The following MPEG1 variants were observed in gnomAD, a reference collection of about 807,000 sequenced individuals.
MPEG1 encodes macrophage-expressed gene 1 protein.
For missense variants in MPEG1, 876 were observed against 880.3 expected, an observed-to-expected ratio of 1.00 and a Z score of 0.06; for synonymous variants, 365 against 351.9, an observed-to-expected ratio of 1.04 and a Z score of -0.42.
chr11:59,209,855 CGTGTGTGTGTGTGTGTGTGT>C lies in MPEG1; in HGVS notation c.*840_*859del, dbSNP rs60035424. ...CTTATTGAAATGTGGTATGTGTGTG[CGTGTGTGTGTGTGTGTGTGT>C]GTGTGTGTGTGTGTGTGTTCATATA... is the stretch of plus-strand genomic sequence containing the variant. On this transcript the variant is annotated 3_prime_UTR_variant, in exon 1 of 1. Transcript: ENST00000361050. 3.0e-4 allele frequency: 16 copies of C among 54,140 alleles called. No individual in the cohort carries two copies. Among genetic ancestry groups the C allele is most frequent in the Admixed American group, 1.1e-3 (6 of 5,590 alleles). The allele number at this position is 54,140 out of a possible 1,614,324, so 3.4% of individuals were successfully genotyped here.
rs749213142 is a variant in MPEG1, at chr11:59,211,767, C to T, written c.1099G>A (p.Gly367Ser). 4.3e-6 allele frequency: 7 copies of T among 1,614,172 alleles called. No individual in the cohort carries two copies. The South Asian group carries it at 5.5e-5, about 13-fold the overall frequency. Residue 367 changes from glycine (G) to serine (S), a missense_variant, in exon 1 of 1, where the codon GGC (glycine) becomes AGC (serine). Physicochemically the swap from Gly to Ser is moderately conservative, Grantham distance 56. Transcript: ENST00000361050. The part of the protein sequence containing the change: ...NFNFQANTDD[G>S]SCEGKMTNFS... Reference sequence around the variant, plus strand: ...TTGGTCATTTTCCCCTCGCAGGAGCCATCATCCGTGTTGGCCTGAAAATTG... The same window carrying T: ...TTGGTCATTTTCCCCTCGCAGGAGCTATCATCCGTGTTGGCCTGAAAATTG...
chr11:59,212,159 A>G lies in MPEG1; in HGVS notation c.707T>C (p.Val236Ala). 1 of 1,614,192 alleles carries G rather than the reference A, an allele frequency of 6.2e-7. No individual in the cohort carries two copies. Among genetic ancestry groups the G allele is most frequent in the Non-Finnish European group, 8.5e-7 (1 of 1,180,040 alleles). The change falls in exon 1 of 1, where the codon GTG (valine) becomes GCG (alanine). Residue 236 changes from valine (V) to alanine (A), a missense_variant. By Grantham distance (64) the Val-to-Ala change is moderately conservative. Transcript: ENST00000361050. ...LQDSQSSRSA[V>A]TASAGLAFQN... Reference sequence around the variant, plus strand: ...AAAGGCAAGTCCAGCAGAGGCGGTCACGGCACTACGACTGCTCTGGCTGTC... The same window carrying G: ...AAAGGCAAGTCCAGCAGAGGCGGTCGCGGCACTACGACTGCTCTGGCTGTC...
In MPEG1 at chr11:59,211,731, C is replaced by A; in HGVS notation, c.1135G>T (p.Gly379Cys). The A allele has an allele frequency of 6.2e-7, 1 of 1,614,150 alleles. No homozygotes were observed. The highest frequency in any genetic ancestry group is 1.1e-5 in the South Asian group (1 of 91,078). The change falls in exon 1 of 1, where the codon GGT (glycine) becomes TGT (cysteine). Residue 379 changes from glycine to cysteine, a missense_variant. Physicochemically the swap from Gly to Cys is radical, Grantham distance 159. Coordinates refer to ENST00000361050, the MANE Select transcript of MPEG1 (RefSeq NM_001039396.2). ...CEGKMTNFSF[G>C]GVYQECTQLS... ...TGAGTGCATTCCTGATAAACCCCAC[C>A]GAAAGAGAAGTTGGTCATTTTCCCC...
Position 59,211,402 on chromosome 11 carries a change from T to A in MPEG1, c.1464A>T (p.Ile488=). ...LFGGLFSSKS[I]NPMTNAQSCP... is the part of the protein sequence containing the mutation. ...ATGACTGTGCATTTGTCATGGGGTTTATGCTCTTGCTGCTGAAGAGGCCCC... is the reference window on the plus strand; with the variant it reads ...ATGACTGTGCATTTGTCATGGGGTTAATGCTCTTGCTGCTGAAGAGGCCCC... The change falls in exon 1 of 1, where the codon ATA becomes ATT. Residue 488 remains isoleucine (I), a synonymous_variant. Transcript: ENST00000361050. The A allele has an allele frequency of 6.2e-7, 1 of 1,614,214 alleles. No homozygotes were observed.
Position 59,212,478 on chromosome 11 carries a change from A to G in MPEG1, c.388T>C (p.Ser130Pro). The G allele has an allele frequency of 6.2e-7, 1 of 1,613,654 alleles. No homozygotes were observed. The highest frequency in any genetic ancestry group is 8.5e-7 in the Non-Finnish European group (1 of 1,179,518). Residue 130 changes from serine to proline, a missense_variant, in exon 1 of 1, where the codon TCC becomes CCC. Physicochemically the swap from Ser to Pro is moderately conservative, Grantham distance 74. Coordinates refer to ENST00000361050, the MANE Select transcript of MPEG1 (RefSeq NM_001039396.2). ...SLFSKVNGKF[S>P]TEFQRMKTLQ... Reference sequence around the variant, plus strand: ...GTCTTCATCCTCTGGAACTCAGTGGAAAACTTGCCATTGACTTTGGAAAAA... The same window carrying G: ...GTCTTCATCCTCTGGAACTCAGTGGGAAACTTGCCATTGACTTTGGAAAAA...
chr11:59,210,736 C>G lies in MPEG1; in HGVS notation c.2130G>C (p.Glu710Asp). The G allele has an allele frequency of 6.2e-7, 1 of 1,614,022 alleles. No homozygotes were observed. The highest frequency in any genetic ancestry group is 8.5e-7 in the Non-Finnish European group (1 of 1,179,920). The change falls in exon 1 of 1, where the codon GAG (glutamate) becomes GAC (aspartate). Residue 710 changes from glutamate to aspartate, a missense_variant. Coordinates refer to ENST00000361050, the MANE Select transcript of MPEG1 (RefSeq NM_001039396.2). ...TAATGDTTYQ[E>D]QGQSPA ...AGATTTAAGCTGGACTCTGCCCCTG[C>G]TCTTGGTAAGTGGTGTCTCCAGTTG... is the stretch of plus-strand genomic sequence containing the variant.
Position 59,212,334 on chromosome 11 carries a change from T to C in MPEG1, c.532A>G (p.Ile178Val), listed in dbSNP as rs1565225805. 6.2e-7 allele frequency: 1 copy of C among 1,614,066 alleles called. No individual in the cohort carries two copies. The highest frequency in any genetic ancestry group is 1.7e-5 in the Admixed American group (1 of 60,024). Residue 178 changes from isoleucine to valine, a missense_variant, in exon 1 of 1, where the codon ATC becomes GTC. Physicochemically the swap from Ile to Val is conservative, Grantham distance 29 (BLOSUM62 3). Transcript: ENST00000361050. ...SSGFRKELLD[I>V]SDRLENNQTR... ...TGGTTGTTCTCTAGACGGTCAGAGATGTCAAGGAGTTCCTTCCTAAAACCT... is the reference window on the plus strand; with the variant it reads ...TGGTTGTTCTCTAGACGGTCAGAGACGTCAAGGAGTTCCTTCCTAAAACCT...
In MPEG1 at chr11:59,209,855, CGTGT is replaced by C. The variant is rs60035424; in HGVS notation, c.*856_*859del. Reference sequence around the variant, plus strand: ...CTTATTGAAATGTGGTATGTGTGTGCGTGTGTGTGTGTGTGTGTGTGTGTGTGTG... The same window carrying C: ...CTTATTGAAATGTGGTATGTGTGTGCGTGTGTGTGTGTGTGTGTGTGTGTG... On this transcript the variant is annotated 3_prime_UTR_variant, in exon 1 of 1. Coordinates refer to ENST00000361050, the MANE Select transcript of MPEG1 (RefSeq NM_001039396.2). 2,345 of 53,846 alleles carry C rather than the reference CGTGT, an allele frequency of 0.044. 126 individuals carry two copies. Among genetic ancestry groups the C allele is most frequent in the African/African-American group, 0.11 (1,814 of 16,418 alleles). The allele number at this position is 53,846 out of a possible 1,614,324, so 3.3% of individuals were successfully genotyped here. A position where few individuals can be genotyped will look rare whatever the true frequency, so the allele number is the denominator to read the frequency against.
chr11:59,210,775 A>G lies in MPEG1; in HGVS notation c.2091T>C (p.Val697=). The G allele has an allele frequency of 1.2e-6, 2 of 1,614,122 alleles. No homozygotes were observed. Among genetic ancestry groups the G allele is most frequent in the South Asian group, 1.1e-5 (1 of 91,072 alleles). ...YQAIEERQSL[V]PGTAATGDTT... is the part of the protein sequence containing the mutation. ...TGTCTCCAGTTGCTGCAGTGCCTGGAACCAAACTCTGCCTTTCCTCAATTG... is the reference window on the plus strand; with the variant it reads ...TGTCTCCAGTTGCTGCAGTGCCTGGGACCAAACTCTGCCTTTCCTCAATTG... Residue 697 remains valine (V), a synonymous_variant, in exon 1 of 1, where the codon GTT becomes GTC. Transcript: ENST00000361050.
rs920711668 is a variant in MPEG1, at chr11:59,210,402, A to T, written c.*313T>A. 7 of 309,462 alleles carry T rather than the reference A, an allele frequency of 2.3e-5. No homozygotes were observed. The highest frequency in any genetic ancestry group is 4.2e-5 in the Non-Finnish European group (7 of 167,574). The allele number at this position is 309,462 out of a possible 1,614,324, so 19.2% of individuals were successfully genotyped here. On this transcript the variant is annotated 3_prime_UTR_variant, in exon 1 of 1. Transcript: ENST00000361050. ...TTCAGAGTAAATTCATAGCTTCCAAATACAAATGTTCACATTGTCCCTCCG... is the reference window on the plus strand; with the variant it reads ...TTCAGAGTAAATTCATAGCTTCCAATTACAAATGTTCACATTGTCCCTCCG...
In MPEG1 at chr11:59,211,394, A is replaced by C. The variant is rs181385884; in HGVS notation, c.1472T>G (p.Met491Arg). 7.4e-6 allele frequency: 12 copies of C among 1,614,102 alleles called. No individual in the cohort carries two copies. In the East Asian group the frequency reaches 2.0e-4, roughly 27 times the overall value. Residue 491 changes from methionine (M) to arginine (R), a missense_variant, in exon 1 of 1, where the codon ATG (methionine) becomes AGG (arginine). Transcript: ENST00000361050. The stretch of plus-strand genomic sequence containing the variant: ...GGCTGGGCATGACTGTGCATTTGTC[A>C]TGGGGTTTATGCTCTTGCTGCTGAA... ...GLFSSKSINPMTNAQSCPAGY... is the reference protein window; with the variant it reads ...GLFSSKSINPRTNAQSCPAGY...
rs948455920 is a variant in MPEG1 at position 59,209,304 on chromosome 11, T to C, written c.*1411A>G. ...AGCCCAAGATCTTGATTGTGAACAT[T>C]AACAAAGAGAACAGTCATCCTCCAC... On this transcript the variant is annotated 3_prime_UTR_variant, in exon 1 of 1. Coordinates refer to ENST00000361050, the MANE Select transcript of MPEG1 (RefSeq NM_001039396.2). The C allele has an allele frequency of 6.6e-6, 1 of 152,170 alleles. No homozygotes were observed. The highest frequency in any genetic ancestry group is 2.4e-5 in the African/African-American group (1 of 41,426). The allele number at this position is 152,170 out of a possible 1,614,324, so 9.4% of individuals were successfully genotyped here.
Position 59,211,264 on chromosome 11 carries a change from G to A in MPEG1, c.1602C>T (p.Cys534=), listed in dbSNP as rs1590996007. Residue 534 remains cysteine, a synonymous_variant, in exon 1 of 1, where the codon TGC becomes TGT. Coordinates refer to ENST00000361050, the MANE Select transcript of MPEG1 (RefSeq NM_001039396.2). ...GATCTACCAGGGGGTTCCCAACTGT[G>A]CAGCTAAAGAACCCGCCAAAGGGGA... is the stretch of plus-strand genomic sequence containing the variant. The part of the protein sequence containing the change: ...FAVPFGGFFS[C]TVGNPLVDPA... 2 of 1,614,222 alleles carry A rather than the reference G, an allele frequency of 1.2e-6. No individual in the cohort carries two copies. Among genetic ancestry groups the A allele is most frequent in the East Asian group, 2.2e-5 (1 of 44,876 alleles).
In MPEG1 at chr11:59,211,369, G is replaced by A. The variant is rs201676380; in HGVS notation, c.1497C>T (p.Ala499=). 1,333 of 1,614,066 alleles carry A rather than the reference G, an allele frequency of 8.3e-4. 1 individual carries two copies. The highest frequency in any genetic ancestry group is 1.1e-3 in the Non-Finnish European group (1,267 of 1,180,056). Residue 499 remains alanine, a synonymous_variant, in exon 1 of 1, where the codon GCC becomes GCT. Coordinates refer to ENST00000361050, the MANE Select transcript of MPEG1 (RefSeq NM_001039396.2). The part of the protein sequence containing the change: ...NPMTNAQSCP[A]GYFPLRLFEN... ...CAAAGAGTCTCAGTGGAAAGTAGCCGGCTGGGCATGACTGTGCATTTGTCA... is the reference window on the plus strand; with the variant it reads ...CAAAGAGTCTCAGTGGAAAGTAGCCAGCTGGGCATGACTGTGCATTTGTCA...
At position 59,212,382 on chromosome 11, in the gene MPEG1, T is replaced by G. The variant is rs1862907566; in HGVS notation, c.484A>C (p.Asn162His). 1 of 1,614,104 alleles carries G rather than the reference T, an allele frequency of 6.2e-7. No individual in the cohort carries two copies. The highest frequency in any genetic ancestry group is 1.3e-5 in the African/African-American group (1 of 74,930). Residue 162 changes from asparagine to histidine, a missense_variant, in exon 1 of 1, where the codon AAC (asparagine) becomes CAC (histidine). Coordinates refer to ENST00000361050, the MANE Select transcript of MPEG1 (RefSeq NM_001039396.2). ...VRNLVYTVKI[N>H]PTLELSSGFR... ...CCTGAGCTTAGCTCTAAAGTTGGGT[T>G]GATTTTGACTGTGTAGACGAGGTTT...
In MPEG1 at chr11:59,212,246, G is replaced by A. The variant is rs778756165; in HGVS notation, c.620C>T (p.Thr207Ile). ...LVLNYGTHVT[T>I]SVDAGAALIQ... ...AAGAGCAGCCCCAGCGTCGACACTG[G>A]TGGTGACGTGGGTGCCATAGTTGAG... The change falls in exon 1 of 1, where the codon ACC becomes ATC. Residue 207 changes from threonine (T) to isoleucine (I), a missense_variant. Thr to Ile is a moderately conservative substitution (Grantham distance 89). Transcript: ENST00000361050. 3.7e-6 allele frequency: 6 copies of A among 1,613,738 alleles called. No homozygotes were observed. Among genetic ancestry groups the A allele is most frequent in the Middle Eastern group, 1.7e-4 (1 of 6,030 alleles).
rs369692312 is a variant in MPEG1 at position 59,211,339 on chromosome 11, G to C, written c.1527C>G (p.Asn509Lys). 1.9e-6 allele frequency: 3 copies of C among 1,614,044 alleles called. No homozygotes were observed. In the African/African-American group the frequency reaches 4.0e-5, roughly 22 times the overall value. The change falls in exon 1 of 1, where the codon AAC becomes AAG. Residue 509 changes from asparagine (N) to lysine (K), a missense_variant. By Grantham distance (94) the Asn-to-Lys change is moderately conservative (BLOSUM62 0). Transcript: ENST00000361050. ...AGTCCTGAGAAACACATACCTTGAGGTTTTCAAAGAGTCTCAGTGGAAAGT... is the reference window on the plus strand; with the variant it reads ...AGTCCTGAGAAACACATACCTTGAGCTTTTCAAAGAGTCTCAGTGGAAAGT... ...AGYFPLRLFE[N>K]LKVCVSQDYE...
rs1440158047 is a variant in MPEG1 at position 59,212,900 on chromosome 11, AC to A, written c.-36del. ...AGCCCCAGCCACTCACCAGCCCTAC[AC>A]AGCGGCCAGCAAGCTTTGGGCAAAC... On this transcript the variant is annotated 5_prime_UTR_variant, in exon 1 of 1. Transcript: ENST00000361050. 6.4e-7 allele frequency: 1 copy of A among 1,571,104 alleles called. No homozygotes were observed. The highest frequency in any genetic ancestry group is 1.4e-5 in the African/African-American group (1 of 73,740).
Position 59,211,555 on chromosome 11 carries a change from T to C in MPEG1, c.1311A>G (p.Arg437=). 6.2e-7 allele frequency: 1 copy of C among 1,614,078 alleles called. No homozygotes were observed. The highest frequency in any genetic ancestry group is 1.3e-5 in the African/African-American group (1 of 75,042). The change falls in exon 1 of 1, where the codon CGA becomes CGG. Residue 437 remains arginine, a synonymous_variant. Coordinates refer to ENST00000361050, the MANE Select transcript of MPEG1 (RefSeq NM_001039396.2). The part of the protein sequence containing the change: ...EEGYNHLECH[R]KCTLLVFCKT... ...TGCAGAAGACGAGGAGAGTGCACTT[T>C]CGATGACACTCCAGGTGGTTGTAAC...
Sources: gnomAD v4.1 joint callset for allele counts on GRCh38, gnomAD v4.1.1 for gene constraint, MANE v1.5 for transcripts, NCBI Gene and HGNC (gene_info 2026-07-23, HGNC 2026-07-21) for gene names.